The following GMFB variants were observed in gnomAD, a reference collection of about 807,000 sequenced individuals.
GMFB encodes the protein GMF-beta.
A neutral mutation model predicts 25.6 loss-of-function variants in GMFB; 13 were observed. The observed-to-expected ratio is 0.51, with a 90% confidence interval of 0.33 to 0.81. GMFB has a LOEUF of 0.81. Among genes scored for constraint, GMFB ranks in the 30% least tolerant of loss-of-function variants. The pLI is 0.02. For synonymous variants in GMFB, 57 were observed against 56.9 expected (o/e 1.00, Z 0.00); for missense variants, 146 against 175.4 (o/e 0.83, Z 0.95).
At chr14:54,485,238 C>T (rs1320348695) in intron 1 of GMFB, among the ~76,000 whole-genome samples, 1 of 151,578 alleles carries the variant, frequency 6.6e-6, no homozygotes, top group Admixed American at 6.6e-5. Context: ...TCAAATTATC[C>T]TTGTTTATGA....
intron 5 of GMFB, 130 bp from the exon 6 acceptor site, chr14:54,479,989 G>A (rs1349998691): frequency 3.3e-6 from 2 of 609,716 alleles, no homozygotes; most frequent in East Asian, 2.8e-5. Context: ...ATATATATGG[G>A]TTGTATTTTG....
intron 2 of GMFB, chr14:54,483,325 T>C (rs913714451): frequency 6.0e-5 from 12 of 200,424 alleles, no homozygotes; most frequent in Non-Finnish European, 1.2e-4. Flanking sequence ...CAAAGGTTTC[T>C]ATTTGAGGAT....
intron 1 of GMFB, 198 bp downstream of exon 1, chr14:54,488,727 G>T (rs570510187): frequency 1.1e-4 from 54 of 504,494 alleles, no homozygotes; most frequent in Non-Finnish European, 1.8e-4. Flanking sequence ...GGCCCAGCTG[G>T]AAGATGCTGC....
intron 6 of GMFB, chr14:54,478,686 G>C (rs2031672291): frequency 6.6e-6 from 1 of 152,084 alleles, no homozygotes; most frequent in Non-Finnish European, 1.5e-5. Flanking sequence ...CAGCAGAAAG[G>C]ATAGGATTTG....
At position 54,478,159 on chromosome 14, in the gene GMFB, C is replaced by T; in HGVS notation, c.358G>A (p.Val120Ile). Residue 120 changes from valine to isoleucine, a missense_variant and splice_region_variant, in exon 7 of 7, where the codon GTA becomes ATA. Val to Ile is a conservative substitution (Grantham distance 29). Transcript: ENST00000358056. ...TCTTCGGTATTTCTTATTTCAAATA[C>T]CTTTAAAAAAAAAAAAAACTTGGGT... The part of the protein sequence containing the change: ...KLVQTAELTK[V>I]FEIRNTEDLT... 3.3e-6 allele frequency: 4 copies of T among 1,225,518 alleles called. No individual in the cohort carries two copies. Among genetic ancestry groups the T allele is most frequent in the Non-Finnish European group, 4.4e-6 (4 of 906,330 alleles). The allele number at this position is 1,225,518 out of a possible 1,614,324, so 75.9% of individuals were successfully genotyped here. A position where few individuals can be genotyped will look rare whatever the true frequency, so the allele number is the denominator to read the frequency against.
chr14:54,487,469 G>GCGGAGCTTGCAGTGAGCGGAGAT lies in GMFB; in HGVS notation c.3+1433_3+1455dup, dbSNP rs2031802654. ...AGAACGAACGGCGTGAACCAGGGAGGCGGAGCTTGCAGTGAGCGGAGATCG... is the reference window on the plus strand; with the variant it reads ...AGAACGAACGGCGTGAACCAGGGAGGCGGAGCTTGCAGTGAGCGGAGATCGGAGCTTGCAGTGAGCGGAGATCG... On this transcript the variant is annotated intron_variant, in intron 1 of 6. Coordinates refer to ENST00000358056, the MANE Select transcript of GMFB (RefSeq NM_004124.3). 3.3e-5 allele frequency among the ~76,000 whole-genome samples: 5 copies of GCGGAGCTTGCAGTGAGCGGAGAT among 152,038 alleles called. No individual in the cohort carries two copies. The South Asian group carries it at 1.0e-3, about 31-fold the overall frequency.
In GMFB at chr14:54,477,246, C is replaced by T. The variant is rs1188193070; in HGVS notation, c.*842G>A. 6.6e-6 allele frequency: 1 copy of T among 152,416 alleles called. No individual in the cohort carries two copies. The highest frequency in any genetic ancestry group is 1.5e-5 in the Non-Finnish European group (1 of 67,898). 9.4% of individuals were successfully genotyped at this position (152,416 alleles called of 1,614,324 possible). A position where few individuals can be genotyped will look rare whatever the true frequency, so the allele number is the denominator to read the frequency against. On this transcript the variant is annotated 3_prime_UTR_variant, in exon 7 of 7. Transcript: ENST00000358056. Reference sequence around the variant, plus strand: ...TATTAATTTCACCAAATGTGGAATACTGGCAGTGTAAAAGTCTTAAACTAA... The same window carrying T: ...TATTAATTTCACCAAATGTGGAATATTGGCAGTGTAAAAGTCTTAAACTAA...
chr14:54,479,732 T>C (rs1187427014), intron 6 of GMFB, 54 bp downstream of exon 6: 1 of 1,041,900 alleles, frequency 9.6e-7, no homozygotes, highest in African/African-American at 1.6e-5. Context: ...AGCTATTGCT[T>C]TATAGTCTAA....
chr14:54,486,394 T>C (rs1366070610), intron 1 of GMFB, among the ~76,000 whole-genome samples: 3 of 152,202 alleles, frequency 2.0e-5, no homozygotes, highest in Admixed American at 6.5e-5. Context: ...CTTCAGGACA[T>C]TGGTCTGGGC....
intron 6 of GMFB, chr14:54,479,130 T>C (rs971156029): frequency 2.0e-5 from 3 of 152,122 alleles, no homozygotes; most frequent in Non-Finnish European, 4.4e-5. Flanking sequence ...GTTCTTAAAA[T>C]AAAACTTGAA....
At chr14:54,487,655 A>G (rs9323265) in intron 1 of GMFB, among the ~76,000 whole-genome samples, 32,116 of 152,116 alleles carry the variant, frequency 0.21, 4,135 homozygotes, top group African/African-American at 0.36. Flanking sequence ...GGAGGTTGCA[A>G]TGGGCCGAGA....
chr14:54,481,569 C>G, intron 3 of GMFB, 111 bp from the exon 4 acceptor site: 2 of 683,652 alleles, frequency 2.9e-6, no homozygotes, highest in East Asian at 5.4e-5. Flanking sequence ...CCACATGCTA[C>G]AAAATAAAAT....
rs1358291432 is a variant in GMFB, at chr14:54,475,238, T to G, written c.*2850A>C. Reference sequence around the variant, plus strand: ...ACACCTTCCTTAATATCTATATGGGTTGGGGGGAACAGCCAAATTTAATTT... The same window carrying G: ...ACACCTTCCTTAATATCTATATGGGGTGGGGGGAACAGCCAAATTTAATTT... On this transcript the variant is annotated 3_prime_UTR_variant, in exon 7 of 7. Coordinates refer to ENST00000358056, the MANE Select transcript of GMFB (RefSeq NM_004124.3). The G allele has an allele frequency of 6.6e-6, 1 of 152,544 alleles. No homozygotes were observed. The highest frequency in any genetic ancestry group is 1.5e-5 in the Non-Finnish European group (1 of 67,974). The allele number at this position is 152,544 out of a possible 1,614,324, so 9.4% of individuals were successfully genotyped here. A position where few individuals can be genotyped will look rare whatever the true frequency, so the allele number is the denominator to read the frequency against.
At chr14:54,488,094 C>T (rs568599533) in intron 1 of GMFB, among the ~76,000 whole-genome samples, 3 of 152,204 alleles carry the variant, frequency 2.0e-5, no homozygotes, top group Non-Finnish European at 4.4e-5. Context: ...ATGACAAGAT[C>T]TATTCGATGA....
intron 1 of GMFB, among the ~76,000 whole-genome samples, chr14:54,485,165 TC>T (rs1156758829): frequency 6.7e-6 from 1 of 150,132 alleles, no homozygotes; most frequent in Admixed American, 6.7e-5. Flanking sequence ...GTACTGGGAG[TC>T]CTAGCCAGAG....
rs201531368 is a variant in GMFB, at chr14:54,482,857, GT to G, written c.101-656del. 4.2e-3 allele frequency among the ~76,000 whole-genome samples: 632 copies of G among 152,184 alleles called. 4 individuals are homozygous for G. Among genetic ancestry groups the G allele is most frequent in the African/African-American group, 0.015 (610 of 41,532 alleles). ...GTGAGATATAATGTAATCTCAAATAGTTTCAGCTTTTGCAGTAAATGGCACT... is the reference window on the plus strand; with the variant it reads ...GTGAGATATAATGTAATCTCAAATAGTTCAGCTTTTGCAGTAAATGGCACT... On this transcript the variant is annotated intron_variant, in intron 2 of 6. Coordinates refer to ENST00000358056, the MANE Select transcript of GMFB (RefSeq NM_004124.3).
At chr14:54,478,429 C>T (rs543748029) in intron 6 of GMFB, 32 of 235,986 alleles carry the variant, frequency 1.4e-4, no homozygotes, top group South Asian at 3.5e-4. Context: ...GAAACCAAAA[C>T]TCTCCCAAAA....
At position 54,478,038 on chromosome 14, in the gene GMFB, C is replaced by CAATA. The variant is rs1227231400; in HGVS notation, c.*49_*50insTATT. 3 of 746,722 alleles carry CAATA rather than the reference C, an allele frequency of 4.0e-6. No individual in the cohort carries two copies. Among genetic ancestry groups the CAATA allele is most frequent in the African/African-American group, 1.8e-5 (1 of 54,210 alleles). The allele number at this position is 746,722 out of a possible 1,614,324, so 46.3% of individuals were successfully genotyped here. A position where few individuals can be genotyped will look rare whatever the true frequency, so the allele number is the denominator to read the frequency against. ...ATAAATAAGTATTTATGTCTGATTC[C>CAATA]AGTATGGTCAGGTTAATACATAAAT... On this transcript the variant is annotated 3_prime_UTR_variant, in exon 7 of 7. Transcript: ENST00000358056.
intron 1 of GMFB, among the ~76,000 whole-genome samples, chr14:54,485,040 C>T (rs2031764123): frequency 6.6e-6 from 1 of 151,570 alleles, no homozygotes; most frequent in Non-Finnish European, 1.5e-5. Context: ...CAATAAAGGC[C>T]ATATATGACA....
Sources: allele counts gnomAD v4.1 joint callset (sites outside exome capture counted in the v4.1 genomes callset), GRCh38; gene constraint gnomAD v4.1.1; transcripts MANE v1.5; gene names NCBI Gene and HGNC (gene_info 2026-07-23, HGNC 2026-07-21).